The following EBF3 variants were observed in gnomAD, a reference collection of about 807,000 sequenced individuals.
EBF3 encodes EBF transcription factor 3.
Under a neutral mutation model 77.1 loss-of-function variants are expected in EBF3, and 18 were observed. That is an observed-to-expected ratio of 0.23 (90% CI 0.16 to 0.35). The LOEUF is 0.35. EBF3 is among the 10% of genes least tolerant of loss of function. The pLI is 1.00. For missense variants in EBF3, 558 were observed against 860.0 expected (o/e 0.65, Z 4.39); for synonymous variants, 350 against 343.5 (o/e 1.02, Z -0.21).
At chr10:129,949,656 C>CG (rs2134559235) in intron 6 of EBF3, among the ~76,000 whole-genome samples, 1 of 152,270 alleles carries the variant, frequency 6.6e-6, no homozygotes, top group Admixed American at 6.5e-5. Flanking sequence ...ATGTCACCCT[C>CG]GGATGGCCCC....
In EBF3 at chr10:129,924,440, AAAAAAC is replaced by A. The variant is rs1315479638; in HGVS notation, c.554+32812_554+32817del. ...AAACAACAACAACAACAAAAAAAAA[AAAAAAC>A]AAAAAACAAAAAACAGAAAATAGGT... On this transcript the variant is annotated intron_variant, in intron 6 of 16. Coordinates refer to ENST00000440978, the MANE Select transcript of EBF3 (RefSeq NM_001375380.1). Among the ~76,000 whole-genome samples the A allele has an allele frequency of 1.3e-3, 170 of 133,500 alleles. 1 individual carries two copies. The highest frequency in any genetic ancestry group is 4.0e-3 in the African/African-American group (142 of 35,946). The allele number at this position is 133,500 out of a possible 152,430, so 87.6% of individuals were successfully genotyped here.
At chr10:129,926,557 TC>T (rs1268886143) in intron 6 of EBF3, among the ~76,000 whole-genome samples, 1 of 150,380 alleles carries the variant, frequency 6.6e-6, no homozygotes, top group Non-Finnish European at 1.5e-5. Context: ...CAGGGAAGCA[TC>T]TCAGGGCTTG....
intron 6 of EBF3, among the ~76,000 whole-genome samples, chr10:129,916,617 TCCA>T (rs1855900456): frequency 6.6e-6 from 1 of 152,182 alleles, no homozygotes; most frequent in Admixed American, 6.5e-5. Flanking sequence ...GGCCCAGGTC[TCCA>T]CAGCTCAGGA....
chr10:129,930,813 C>T (rs1856970635), intron 6 of EBF3, among the ~76,000 whole-genome samples: 1 of 147,300 alleles, frequency 6.8e-6, no homozygotes, highest in African/African-American at 2.5e-5. Context: ...ATTAACAAAT[C>T]CCCCTCTCAT....
Position 129,848,401 on chromosome 10 carries a change from C to T in EBF3, c.1119G>A (p.Arg373=), listed in dbSNP as rs749762829. The change falls in exon 11 of 17, where the codon AGG becomes AGA. Residue 373 remains arginine (R), a synonymous_variant. Transcript: ENST00000440978. The surrounding 1 kb of genome is among the most constrained non-coding windows in gnomAD (Gnocchi z 4.4). Reference sequence around the variant, plus strand: ...TTGCTCTTTTACTAACCTTGGGTAACCTTTCGGGATCACCCGGATGTCTTG... The same window carrying T: ...TTGCTCTTTTACTAACCTTGGGTAATCTTTCGGGATCACCCGGATGTCTTG... ...VIPRHPGDPE[R]LPKEVLLKRA... 3.1e-6 allele frequency: 5 copies of T among 1,614,206 alleles called. No homozygotes were observed. Among genetic ancestry groups the T allele is most frequent in the Middle Eastern group, 1.7e-4 (1 of 6,060 alleles).
chr10:129,921,822 G>A (rs1459783304), intron 6 of EBF3, among the ~76,000 whole-genome samples: 1 of 152,174 alleles, frequency 6.6e-6, no homozygotes, highest in Non-Finnish European at 1.5e-5. Context: ...AAATGCTGAG[G>A]CCTCAAACAC....
Position 129,963,741 on chromosome 10 carries a change from G to A in EBF3, c.28C>T (p.Arg10Cys). The A allele has an allele frequency of 2.6e-6, 4 of 1,532,522 alleles. No homozygotes were observed. The highest frequency in any genetic ancestry group is 3.5e-6 in the Non-Finnish European group (4 of 1,132,202). 94.9% of individuals were successfully genotyped at this position (1,532,522 alleles called of 1,614,324 possible). MFGIQENIP[R>C]GGTTMKEEPL... ...TCCTCCTTCATGGTCGTCCCCCCGC[G>A]CGGAATATTCTCCTGAATCCCAAAC... The change falls in exon 1 of 17, where the codon CGC (arginine) becomes TGC (cysteine). Residue 10 changes from arginine to cysteine, a missense_variant. This residue lies in a region of EBF3 where 64 missense variants were observed against 54.5 expected (regional missense o/e 1.18). Coordinates refer to ENST00000440978, the MANE Select transcript of EBF3 (RefSeq NM_001375380.1). The surrounding 1 kb of genome is among the most constrained non-coding windows in gnomAD (Gnocchi z 7.1).
In EBF3 at chr10:129,957,284, C is replaced by T. The variant is rs181451803; in HGVS notation, c.528G>A (p.Thr176=). The change falls in exon 6 of 17, where the codon ACG becomes ACA. Residue 176 remains threonine (T), a synonymous_variant. Coordinates refer to ENST00000440978, the MANE Select transcript of EBF3 (RefSeq NM_001375380.1). The stretch of plus-strand genomic sequence containing the variant: ...TGTCAATGATTACAGGGTCTGAGGG[C>T]GTTTCGTTTCTATTGCCACAACTTT... ...DKKSCGNRNE[T]PSDPVIIDRF... is the part of the protein sequence containing the mutation. 116 of 1,610,660 alleles carry T rather than the reference C, an allele frequency of 7.2e-5. 1 individual carries two copies. Among genetic ancestry groups the T allele is most frequent in the Non-Finnish European group, 3.4e-5 (40 of 1,177,778 alleles).
chr10:129,941,511 G>A (rs1425372678), intron 6 of EBF3, among the ~76,000 whole-genome samples: 1 of 152,250 alleles, frequency 6.6e-6, no homozygotes, highest in East Asian at 1.9e-4. Flanking sequence ...GAGGTGCTGG[G>A]TGAGCACTGG....
In EBF3 at chr10:129,837,843, T is replaced by C; in HGVS notation, c.*100A>G. On this transcript the variant is annotated 3_prime_UTR_variant, in exon 17 of 17. Coordinates refer to ENST00000440978, the MANE Select transcript of EBF3 (RefSeq NM_001375380.1). ...TGCTGATTTTTTTGAAGATACTGTT[T>C]CCATCAGCATGTCTTAATATACTAA... 6.7e-7 allele frequency: 1 copy of C among 1,500,376 alleles called. No homozygotes were observed. The highest frequency in any genetic ancestry group is 9.2e-7 in the Non-Finnish European group (1 of 1,084,346). 92.9% of individuals were successfully genotyped at this position (1,500,376 alleles called of 1,614,324 possible).
intron 6 of EBF3, among the ~76,000 whole-genome samples, chr10:129,889,802 CAAAAAA>C (rs57252162): frequency 1.7e-5 from 2 of 114,900 alleles, no homozygotes; most frequent in African/African-American, 3.5e-5. Flanking sequence ...GTCACATCTG[CAAAAAA>C]AAAAAAAAAA....
At chr10:129,890,733 C>G (rs1180108726) in intron 6 of EBF3, among the ~76,000 whole-genome samples, 2 of 152,186 alleles carry the variant, frequency 1.3e-5, no homozygotes, top group African/African-American at 4.8e-5. Flanking sequence ...AAGATTTGCC[C>G]GTTATCCCAA....
intron 10 of EBF3, among the ~76,000 whole-genome samples, chr10:129,851,121 A>G (rs1320027824): frequency 6.6e-6 from 1 of 152,206 alleles, no homozygotes; most frequent in Non-Finnish European, 1.5e-5. Context: ...TGCTGATATT[A>G]AGATAAATTG....
At position 129,840,255 on chromosome 10, in the gene EBF3, A is replaced by T; in HGVS notation, c.1749T>A (p.Asn583Lys). 1 of 1,559,226 alleles carries T rather than the reference A, an allele frequency of 6.4e-7. No homozygotes were observed. Among genetic ancestry groups the T allele is most frequent in the South Asian group, 1.2e-5 (1 of 85,680 alleles). ...CCGCACCACCCTCACCTTGCAGTCC[A>T]TTCCCGTTGGCGCTGGTGCAGGAAG... The part of the protein sequence containing the change: ...PPPSCTSANG[N>K]GLQGSLLGAE... Residue 583 changes from asparagine to lysine, a missense_variant, in exon 15 of 17, where the codon AAT becomes AAA. Around this residue, in one of 5 missense-constraint regions of EBF3, gnomAD observed 284 missense variants for 368.3 expected, o/e 0.77. Transcript: ENST00000440978.
At chr10:129,910,136 G>A (rs1308021877) in intron 6 of EBF3, among the ~76,000 whole-genome samples, 17 of 152,176 alleles carry the variant, frequency 1.1e-4, no homozygotes, top group Non-Finnish European at 2.1e-4. Flanking sequence ...TCGGACCGCC[G>A]GGCCAGGGGC....
intron 7 of EBF3, among the ~76,000 whole-genome samples, chr10:129,875,707 G>A (rs761210058): frequency 3.9e-5 from 6 of 152,206 alleles, no homozygotes; most frequent in Non-Finnish European, 7.3e-5. Context: ...GTCCAGCCTT[G>A]GGTATCTCAG....
In EBF3 at chr10:129,957,383, C is replaced by T. The variant is rs1257009872; in HGVS notation, c.486-57G>A. Reference sequence around the variant, plus strand: ...ATGCATTTCCCCCTTTTATGCCCGACTTGTATTTTTTTTTTTTTCTGACGT... The same window carrying T: ...ATGCATTTCCCCCTTTTATGCCCGATTTGTATTTTTTTTTTTTTCTGACGT... On this transcript the variant is annotated intron_variant, in intron 5 of 16. Transcript: ENST00000440978. 20 of 1,330,640 alleles carry T rather than the reference C, an allele frequency of 1.5e-5. No homozygotes were observed. The Admixed American group carries it at 3.4e-4, about 22-fold the overall frequency. The allele number at this position is 1,330,640 out of a possible 1,614,324, so 82.4% of individuals were successfully genotyped here.
chr10:129,953,479 A>G (rs1426328422), intron 6 of EBF3, among the ~76,000 whole-genome samples: 2 of 152,190 alleles, frequency 1.3e-5, no homozygotes, highest in East Asian at 3.9e-4. Flanking sequence ...TGGCTTCCAG[A>G]CAGGAAAGTA....
chr10:129,928,436 C>A (rs1856810661), intron 6 of EBF3, among the ~76,000 whole-genome samples: 1 of 152,148 alleles, frequency 6.6e-6, no homozygotes, highest in Non-Finnish European at 1.5e-5. Flanking sequence ...GTGGTAAGAA[C>A]GTTTCCATTG....
Sources: gnomAD v4.1 joint callset for allele counts (sites outside exome capture counted in the v4.1 genomes callset) on GRCh38, gnomAD v4.1.1 for gene constraint, gnomAD v4.1.1 regional missense constraint, Gnocchi (gnomAD v3.1) non-coding constraint, MANE v1.5 for transcripts, NCBI Gene and HGNC (gene_info 2026-07-23, HGNC 2026-07-21) for gene names.